Variants in RGS7 observed in about 807,000 individuals in gnomAD.
RGS7 encodes regulator of G-protein signaling 7.
RGS7 carries 27 observed loss-of-function variants against 81.1 expected under a neutral mutation model. That is an observed-to-expected ratio of 0.33 (90% CI 0.25 to 0.46). RGS7 has a LOEUF of 0.46. Among genes scored for constraint, RGS7 ranks in the 20% least tolerant of loss-of-function variants. The pLI is 1.00. For missense variants in RGS7, 396 were observed against 607.4 expected (o/e 0.65, Z 3.66); for synonymous variants, 208 against 207.7 (o/e 1.00, Z -0.01).
intron 3 of RGS7, among the ~76,000 whole-genome samples, chr1:241,017,013 T>C (rs641715): frequency 0.73 from 111,248 of 151,938 alleles, 44,713 homozygotes; most frequent in East Asian, 0.99. Context: ...TTTTAAGGAG[T>C]TGCCATAGAT....
intron 2 of RGS7, among the ~76,000 whole-genome samples, chr1:241,220,994 G>GAAGAAAGAAAGA (rs1491445106): frequency 2.2e-4 from 21 of 93,596 alleles, no homozygotes; most frequent in African/African-American, 4.2e-4. Flanking sequence ...AGGAAGGAAG[G>GAAGAAAGAAAGA]AAGAGAGAGA....
rs1489922951 is a variant in RGS7, at chr1:241,164,582, G to T, written c.79-65820C>A. ...AAATATATATTCTACAATATCACAG[G>T]AGTCCTTGACCAAACTAGATAGGCC... On this transcript the variant is annotated intron_variant, in intron 2 of 18. Transcript: ENST00000440928. This position sits in a 1 kb window ranked among gnomAD's most constrained non-coding sequence, Gnocchi z 4.1. Among the ~76,000 whole-genome samples, 1 of 152,118 alleles carries T rather than the reference G, an allele frequency of 6.6e-6. No homozygotes were observed. Among genetic ancestry groups the T allele is most frequent in the South Asian group, 2.1e-4 (1 of 4,828 alleles).
intron 11 of RGS7, 63 bp from the exon 12 acceptor site, chr1:240,814,840 A>C (rs1473498806): frequency 3.0e-6 from 3 of 1,015,922 alleles, no homozygotes; most frequent in Middle Eastern, 2.0e-4. Flanking sequence ...TTCCACTCTA[A>C]ATCATGATCA....
At position 240,891,992 on chromosome 1, in the gene RGS7, C is replaced by T. The variant is rs143324154; in HGVS notation, c.386-21873G>A. On this transcript the variant is annotated intron_variant, in intron 6 of 18. Coordinates refer to ENST00000440928, the MANE Select transcript of RGS7 (RefSeq NM_001364886.1). ...TTTAGGGCAAGAAGTTCTGAGAAGACCCCAGAGACTCTGAGAGGACGGGAG... is the reference window on the plus strand; with the variant it reads ...TTTAGGGCAAGAAGTTCTGAGAAGATCCCAGAGACTCTGAGAGGACGGGAG... 7.2e-3 allele frequency among the ~76,000 whole-genome samples: 1,096 copies of T among 152,254 alleles called. 15 individuals carry two copies. Among genetic ancestry groups the T allele is most frequent in the African/African-American group, 0.025 (1,051 of 41,542 alleles).
intron 4 of RGS7, among the ~76,000 whole-genome samples, chr1:240,940,732 T>C (rs1004018536): frequency 6.6e-6 from 1 of 151,924 alleles, no homozygotes; most frequent in African/African-American, 2.4e-5. Context: ...AAAAAGCAAT[T>C]GGGTGTTAAA....
intron 9 of RGS7, among the ~76,000 whole-genome samples, chr1:240,862,472 C>T (rs150216788): frequency 9.8e-4 from 149 of 152,184 alleles, no homozygotes; most frequent in Admixed American, 2.0e-3. Context: ...CGTGTCAAAT[C>T]GGATCAAATA....
chr1:241,186,772 C>T (rs1046509979), intron 2 of RGS7, among the ~76,000 whole-genome samples: 2 of 151,990 alleles, frequency 1.3e-5, no homozygotes, highest in African/African-American at 4.8e-5. Context: ...GGTGATCCAC[C>T]TACCTCGGCC....
chr1:240,942,244 A>G (rs1417280316), intron 4 of RGS7, among the ~76,000 whole-genome samples: 1 of 152,232 alleles, frequency 6.6e-6, no homozygotes, highest in Non-Finnish European at 1.5e-5. Context: ...TGAAAACCAC[A>G]GTATAAAAGA....
intron 9 of RGS7, among the ~76,000 whole-genome samples, chr1:240,830,475 A>G (rs1693637592): frequency 6.6e-6 from 1 of 152,210 alleles, no homozygotes; most frequent in Admixed American, 6.5e-5. Flanking sequence ...CAAGACTGTA[A>G]AAACAAAACC....
At chr1:241,254,028 A>G (rs754392771) in intron 2 of RGS7, among the ~76,000 whole-genome samples, 6 of 152,032 alleles carry the variant, frequency 3.9e-5, no homozygotes, top group African/African-American at 9.7e-5. Context: ...ATGAAACACC[A>G]TCTCCACTAA....
chr1:241,300,990 T>C (rs2079719899), intron 2 of RGS7, among the ~76,000 whole-genome samples: 1 of 152,216 alleles, frequency 6.6e-6, no homozygotes, highest in African/African-American at 2.4e-5. Flanking sequence ...TTAGTTTAAT[T>C]TGTAATTCCC....
In RGS7 at chr1:241,271,706, CT is replaced by C. The variant is rs2077905668; in HGVS notation, c.78+83992del. ...GGTGGAAGAAGTAAGGATTCTCTCT[CT>C]GCTGGAGTGCTTGAGCTAGGACATT... is the stretch of plus-strand genomic sequence containing the variant. On this transcript the variant is annotated intron_variant, in intron 2 of 18. Coordinates refer to ENST00000440928, the MANE Select transcript of RGS7 (RefSeq NM_001364886.1). This position sits in a 1 kb window ranked among gnomAD's most constrained non-coding sequence, Gnocchi z 4.6. 6.6e-6 allele frequency among the ~76,000 whole-genome samples: 1 copy of C among 152,200 alleles called. No individual in the cohort carries two copies. The highest frequency in any genetic ancestry group is 1.5e-5 in the Non-Finnish European group (1 of 68,040).
At position 240,932,513 on chromosome 1, in the gene RGS7, C is replaced by CTTTTTTTTTTTTTTTTTT. The variant is rs56232293; in HGVS notation, c.334-1746_334-1745insAAAAAAAAAAAAAAAAAA. On this transcript the variant is annotated intron_variant, in intron 5 of 18. Coordinates refer to ENST00000440928, the MANE Select transcript of RGS7 (RefSeq NM_001364886.1). ...AACTTTGCTTTCATGTAGGGTGTCACTTTTTTTTTTTTTGAGACAGGGTCT... is the reference window on the plus strand; with the variant it reads ...AACTTTGCTTTCATGTAGGGTGTCACTTTTTTTTTTTTTTTTTTTTTTTTTTTTTTTGAGACAGGGTCT... Among the ~76,000 whole-genome samples the CTTTTTTTTTTTTTTTTTT allele has an allele frequency of 1.6e-5, 2 of 126,908 alleles. 1 individual carries two copies. Among genetic ancestry groups the CTTTTTTTTTTTTTTTTTT allele is most frequent in the African/African-American group, 6.1e-5 (2 of 32,932 alleles). The allele number at this position is 126,908 out of a possible 152,430, so 83.3% of individuals were successfully genotyped here.
At chr1:241,082,568 G>A (rs2063195839) in intron 3 of RGS7, among the ~76,000 whole-genome samples, 1 of 152,138 alleles carries the variant, frequency 6.6e-6, no homozygotes, top group Non-Finnish European at 1.5e-5. Context: ...CTAGAGGCTG[G>A]GAAGGGTGAG....
chr1:241,169,638 C>T (rs552546996), intron 2 of RGS7, among the ~76,000 whole-genome samples: 42 of 152,198 alleles, frequency 2.8e-4, no homozygotes, highest in Non-Finnish European at 5.1e-4. Flanking sequence ...CCACCCGCAC[C>T]TGGCCTGTAT....
rs766166598 is a variant in RGS7, at chr1:240,802,899, A to G, written c.1359+5T>C. On this transcript the variant is annotated splice_donor_5th_base_variant and intron_variant, in intron 16 of 18. Transcript: ENST00000440928. ...AAGAAAAAACAACTCACAAAAAACC[A>G]GTACCTTTTTCTTTGCCTGTAGAAG... The G allele has an allele frequency of 6.3e-7, 1 of 1,591,824 alleles. No homozygotes were observed. Among genetic ancestry groups the G allele is most frequent in the South Asian group, 1.1e-5 (1 of 90,618 alleles).
intron 2 of RGS7, among the ~76,000 whole-genome samples, chr1:241,205,562 G>T: frequency 6.6e-6 from 1 of 151,394 alleles, no homozygotes; most frequent in South Asian, 2.1e-4. Context: ...CCAGGTTCAA[G>T]TGATTCTCCT....
At chr1:241,221,013 GGA>G (rs2074928711) in intron 2 of RGS7, among the ~76,000 whole-genome samples, 4 of 101,902 alleles carry the variant, frequency 3.9e-5, no homozygotes, top group African/African-American at 1.3e-4. Flanking sequence ...GAGAAAGGAA[GGA>G]AGGAAGGAAG....
chr1:240,838,223 T>C (rs905211255), intron 9 of RGS7, among the ~76,000 whole-genome samples: 1 of 152,208 alleles, frequency 6.6e-6, no homozygotes, highest in Non-Finnish European at 1.5e-5. Context: ...GGTTCCTTCT[T>C]GCTGTTTCCT....
Sources: gnomAD v4.1 joint callset for allele counts (sites outside exome capture counted in the v4.1 genomes callset) on GRCh38, gnomAD v4.1.1 for gene constraint, Gnocchi (gnomAD v3.1) non-coding constraint, MANE v1.5 for transcripts, NCBI Gene and HGNC (gene_info 2026-07-23, HGNC 2026-07-21) for gene names.